Variants in RSRC1 observed in about 807,000 individuals in gnomAD.
RSRC1 encodes the protein serine/Arginine-related protein 53.
Under a neutral mutation model 49.1 loss-of-function variants are expected in RSRC1, and 39 were observed. The observed-to-expected ratio is 0.79, with a 90% CI of 0.61 to 1.04. The LOEUF (loss-of-function observed/expected upper bound fraction) is 1.04. Among genes scored for constraint, RSRC1 ranks in the 50% least tolerant of loss-of-function variants. The pLI is 0.00. For missense variants in RSRC1, 388 were observed against 402.4 expected (o/e 0.96, Z 0.31); for synonymous variants, 143 against 130.8 (o/e 1.09, Z -0.63).
At chr3:158,444,981 A>C (rs367586878) in intron 6 of RSRC1, among the ~76,000 whole-genome samples, 1 of 152,086 alleles carries the variant, frequency 6.6e-6, no homozygotes, top group African/African-American at 2.4e-5. Flanking sequence ...TTAGAATGGC[A>C]ATCATTAAAA....
intron 6 of RSRC1, among the ~76,000 whole-genome samples, chr3:158,374,809 T>A (rs561844524): frequency 1.0e-3 from 152 of 152,300 alleles, no homozygotes; most frequent in Non-Finnish European, 1.6e-3. Context: ...TTAATTTTTT[T>A]AAATACTTTG....
chr3:158,189,885 T>A (rs1442157561), intron 3 of RSRC1, among the ~76,000 whole-genome samples: 1 of 151,960 alleles, frequency 6.6e-6, no homozygotes, highest in African/African-American at 2.4e-5. Flanking sequence ...TATATTATTT[T>A]AATTACACCT....
chr3:158,114,986 G>T (rs753681777), intron 1 of RSRC1, among the ~76,000 whole-genome samples: 5 of 151,722 alleles, frequency 3.3e-5, no homozygotes, highest in Non-Finnish European at 5.9e-5. Flanking sequence ...AATACCCTTT[G>T]TTTTTTTTCT....
chr3:158,145,346 A>C (rs1192590222), intron 3 of RSRC1, among the ~76,000 whole-genome samples: 1 of 152,240 alleles, frequency 6.6e-6, no homozygotes, highest in Non-Finnish European at 1.5e-5. Flanking sequence ...AGCTTTCTAC[A>C]TATGGCTAGC....
intron 6 of RSRC1, among the ~76,000 whole-genome samples, chr3:158,378,472 T>G (rs1732502721): frequency 6.6e-6 from 1 of 152,270 alleles, no homozygotes; most frequent in African/African-American, 2.4e-5. Flanking sequence ...CATTCTATTC[T>G]GTTCCTCTGA....
At chr3:158,441,072 T>C (rs1287595773) in intron 6 of RSRC1, among the ~76,000 whole-genome samples, 1 of 152,130 alleles carries the variant, frequency 6.6e-6, no homozygotes, top group Non-Finnish European at 1.5e-5. Context: ...TTATAGGTCT[T>C]AATTTTTAAT....
At chr3:158,450,380 T>C (rs990872142) in intron 6 of RSRC1, among the ~76,000 whole-genome samples, 1 of 150,990 alleles carries the variant, frequency 6.6e-6, no homozygotes, top group Non-Finnish European at 1.5e-5. Flanking sequence ...ACTGGCTGTG[T>C]AATAATTGCA....
chr3:158,176,660 G>C (rs1392968467), intron 3 of RSRC1, among the ~76,000 whole-genome samples: 1 of 152,172 alleles, frequency 6.6e-6, no homozygotes, highest in Non-Finnish European at 1.5e-5. Context: ...ATGGATTAAA[G>C]ACTTAAATCT....
At chr3:158,196,970 G>T (rs1445973420) in intron 3 of RSRC1, among the ~76,000 whole-genome samples, 3 of 151,952 alleles carry the variant, frequency 2.0e-5, no homozygotes, top group African/African-American at 7.3e-5. Flanking sequence ...CTCTTTTTTT[G>T]TTGTGTCTCT....
chr3:158,438,846 G>A (rs1485937599), intron 6 of RSRC1, among the ~76,000 whole-genome samples: 3 of 149,524 alleles, frequency 2.0e-5, no homozygotes, highest in East Asian at 1.9e-4. Context: ...AAGAGCTTCT[G>A]CACAGCAAAA....
intron 5 of RSRC1, among the ~76,000 whole-genome samples, chr3:158,308,797 T>C (rs1308507328): frequency 1.3e-5 from 2 of 151,932 alleles, no homozygotes; most frequent in Non-Finnish European, 2.9e-5. Context: ...ATTGCAGTTT[T>C]GATAGGTATT....
chr3:158,201,291 T>C (rs540048486), intron 3 of RSRC1, among the ~76,000 whole-genome samples: 3 of 152,268 alleles, frequency 2.0e-5, no homozygotes, highest in East Asian at 1.9e-4. Context: ...AGATTTCTCT[T>C]TACCTTTAGT....
At chr3:158,333,115 T>C (rs1254923140) in intron 5 of RSRC1, among the ~76,000 whole-genome samples, 4 of 152,026 alleles carry the variant, frequency 2.6e-5, no homozygotes, top group Non-Finnish European at 5.9e-5. Flanking sequence ...ACTACAGGTG[T>C]CTGCCACCAT....
rs371614896 is a variant in RSRC1 at position 158,497,367 on chromosome 3, GCAC to G, written c.652+36368_652+36370del. Among the ~76,000 whole-genome samples, 755 of 151,478 alleles carry G rather than the reference GCAC, an allele frequency of 5.0e-3. 2 individuals carry two copies. The highest frequency in any genetic ancestry group is 0.017 in the African/African-American group (707 of 41,242). ...ACCCATCACCTGAGCAGTATACACT[GCAC>G]CACATTTGTAGTCTTCTATCCCTTG... On this transcript the variant is annotated intron_variant, in intron 7 of 9. Transcript: ENST00000611884.
At chr3:158,462,841 A>T (rs1192512730) in intron 7 of RSRC1, among the ~76,000 whole-genome samples, 1 of 152,130 alleles carries the variant, frequency 6.6e-6, no homozygotes, top group African/African-American at 2.4e-5. Flanking sequence ...AGTCTGCAAT[A>T]TACAGTACCT....
rs1559917726 is a variant in RSRC1, at chr3:158,145,482, T to TCC, written c.320+21491_320+21492insCC. On this transcript the variant is annotated intron_variant, in intron 3 of 9. Coordinates refer to ENST00000611884, the MANE Select transcript of RSRC1 (RefSeq NM_001271838.2). ...TTTCTGAGGGCTCTGTTCTGTTCCA[T>TCC]TGGGCTATATCTCTGTTTTGGTAGC... 6.6e-5 allele frequency among the ~76,000 whole-genome samples: 10 copies of TCC among 152,224 alleles called. 1 individual carries two copies. The highest frequency in any genetic ancestry group is 1.5e-4 in the Non-Finnish European group (10 of 68,036).
chr3:158,383,212 A>G (rs1732794938), intron 6 of RSRC1, among the ~76,000 whole-genome samples: 1 of 152,164 alleles, frequency 6.6e-6, no homozygotes, highest in Admixed American at 6.5e-5. Flanking sequence ...TAATGCTTTA[A>G]TGTTCATAAT....
At chr3:158,328,705 T>C (rs1195099934) in intron 5 of RSRC1, among the ~76,000 whole-genome samples, 3 of 152,172 alleles carry the variant, frequency 2.0e-5, no homozygotes, top group African/African-American at 4.8e-5. Flanking sequence ...CTGACAATTA[T>C]GCACCTTGGA....
At chr3:158,149,673 A>T (rs1344396466) in intron 3 of RSRC1, among the ~76,000 whole-genome samples, 1 of 152,212 alleles carries the variant, frequency 6.6e-6, no homozygotes, top group Non-Finnish European at 1.5e-5. Flanking sequence ...ATAGGTATTC[A>T]GATTTCCTTA....
Sources: gnomAD v4.1 joint callset for allele counts (sites outside exome capture counted in the v4.1 genomes callset) on GRCh38, gnomAD v4.1.1 for gene constraint, MANE v1.5 for transcripts, NCBI Gene and HGNC (gene_info 2026-07-23, HGNC 2026-07-21) for gene names.